The following TBC1D22A variants were observed in gnomAD, a reference collection of about 807,000 sequenced individuals.
TBC1D22A encodes the protein putative GTPase activator.
In TBC1D22A, 38 loss-of-function variants were observed where a neutral mutation model predicts 60.2. The observed-to-expected ratio is 0.63, with a 90% CI of 0.49 to 0.83. The LOEUF (loss-of-function observed/expected upper bound fraction) is 0.83. TBC1D22A is among the 40% of genes least tolerant of loss of function. The probability of loss-of-function intolerance (pLI) is 0.00; values close to 1 mark genes in which losing one functional copy is unlikely to be tolerated. For synonymous variants in TBC1D22A, 302 were observed against 281.7 expected (o/e 1.07, Z -0.72); for missense variants, 628 against 701.0 (o/e 0.90, Z 1.18).
At chr22:46,864,315 G>A (rs1328542973) in intron 4 of TBC1D22A, among the ~76,000 whole-genome samples, 1 of 152,230 alleles carries the variant, frequency 6.6e-6, no homozygotes, top group East Asian at 1.9e-4. Context: ...TGTAGTGGAA[G>A]CAGAGACAGA....
chr22:46,891,522 T>C (rs1042046904), intron 6 of TBC1D22A, 128 bp downstream of exon 6: 31 of 947,616 alleles, frequency 3.3e-5, no homozygotes, highest in Non-Finnish European at 4.5e-5. Flanking sequence ...CCTGATTAGC[T>C]CACAGATTTT....
chr22:47,140,998 C>A (rs1363713657), intron 12 of TBC1D22A, among the ~76,000 whole-genome samples: 1 of 152,194 alleles, frequency 6.6e-6, no homozygotes, highest in East Asian at 1.9e-4. Context: ...TAAAGAAATA[C>A]CCGAGACTGG....
rs1272842642 is a variant in TBC1D22A, at chr22:46,934,566, ACT to A, written c.1015+22381_1015+22382del. Among the ~76,000 whole-genome samples, 9 of 151,974 alleles carry A rather than the reference ACT, an allele frequency of 5.9e-5. No homozygotes were observed. In the East Asian group the frequency reaches 1.5e-3, roughly 26 times the overall value. On this transcript the variant is annotated intron_variant, in intron 8 of 12. Coordinates refer to ENST00000337137, the MANE Select transcript of TBC1D22A (RefSeq NM_014346.5). Reference sequence around the variant, plus strand: ...ATCGTCTATACTACTCTTGGGGAAGACTCTTCTTTTTTAGGACTCACTTCATA... The same window carrying A: ...ATCGTCTATACTACTCTTGGGGAAGACTTCTTTTTTAGGACTCACTTCATA...
At chr22:46,979,436 G>C (rs1038979132) in intron 9 of TBC1D22A, among the ~76,000 whole-genome samples, 1 of 152,194 alleles carries the variant, frequency 6.6e-6, no homozygotes, top group African/African-American at 2.4e-5. Flanking sequence ...CTTCTTTCAT[G>C]TAAACGTGAT....
At chr22:47,005,588 T>C (rs1047621899) in intron 10 of TBC1D22A, among the ~76,000 whole-genome samples, 3 of 147,020 alleles carry the variant, frequency 2.0e-5, no homozygotes, top group Non-Finnish European at 3.0e-5. Flanking sequence ...CGCAAACCTA[T>C]ACACACACAC....
intron 11 of TBC1D22A, among the ~76,000 whole-genome samples, chr22:47,104,910 G>A (rs186774947): frequency 6.6e-6 from 1 of 151,662 alleles, no homozygotes; most frequent in African/African-American, 2.4e-5. Context: ...CCCCCCGACC[G>A]TTGCTGCTGC....
In TBC1D22A at chr22:46,904,138, T is replaced by TCTGCCTGCCTAC. The variant is rs1481229542; in HGVS notation, c.901-7934_901-7933insGCCTGCCTACCT. Among the ~76,000 whole-genome samples, 3 of 55,262 alleles carry TCTGCCTGCCTAC rather than the reference T, an allele frequency of 5.4e-5. 1 individual carries two copies. The highest frequency in any genetic ancestry group is 1.7e-4 in the Admixed American group (1 of 5,836). 36.3% of individuals were successfully genotyped at this position (55,262 alleles called of 152,430 possible). ...ATCTATCTATCTATCTATCTATCTA[T>TCTGCCTGCCTAC]CTATCTACCTACCTACCTACCTACC... On this transcript the variant is annotated intron_variant, in intron 7 of 12. Transcript: ENST00000337137.
At chr22:47,020,321 G>T (rs150806071) in intron 10 of TBC1D22A, among the ~76,000 whole-genome samples, 2,069 of 152,258 alleles carry the variant, frequency 0.014, 27 homozygotes, top group South Asian at 0.048. Flanking sequence ...TCAGTGGCAG[G>T]ATTCTCAGCC....
At chr22:46,792,747 C>T (rs762147637) in intron 2 of TBC1D22A, 171 bp downstream of exon 2, 80 of 1,494,998 alleles carry the variant, frequency 5.4e-5, no homozygotes, top group African/African-American at 6.9e-5. Context: ...CTGTGCACCC[C>T]GTGCTGCGCA....
intron 11 of TBC1D22A, among the ~76,000 whole-genome samples, chr22:47,060,613 A>G (rs2063540653): frequency 6.6e-6 from 1 of 152,076 alleles, no homozygotes; most frequent in Non-Finnish European, 1.5e-5. Flanking sequence ...TGTGTTTTTA[A>G]TAGAGACGGG....
chr22:46,823,637 G>T (rs1489633031), intron 4 of TBC1D22A, among the ~76,000 whole-genome samples: 1 of 152,230 alleles, frequency 6.6e-6, no homozygotes, highest in South Asian at 2.1e-4. Context: ...TTCATGGAAG[G>T]CAGGGTCTTA....
At chr22:47,064,881 C>T (rs1057481167) in intron 11 of TBC1D22A, among the ~76,000 whole-genome samples, 4 of 152,158 alleles carry the variant, frequency 2.6e-5, no homozygotes, top group African/African-American at 9.7e-5. Flanking sequence ...GTTGACAGTC[C>T]TTTTGAGAAA....
intron 11 of TBC1D22A, among the ~76,000 whole-genome samples, chr22:47,081,072 A>T (rs2064446818): frequency 7.1e-6 from 1 of 141,340 alleles, no homozygotes; most frequent in African/African-American, 2.6e-5. Flanking sequence ...GTGAGCCGAA[A>T]TTGTGCCATT....
chr22:46,934,261 A>G (rs185697464), intron 8 of TBC1D22A, among the ~76,000 whole-genome samples: 53 of 152,346 alleles, frequency 3.5e-4, no homozygotes, highest in African/African-American at 1.2e-3. Flanking sequence ...CATGAGAGTT[A>G]TGTGTTTATC....
intron 12 of TBC1D22A, among the ~76,000 whole-genome samples, chr22:47,155,673 C>T (rs1330317710): frequency 6.6e-6 from 1 of 151,938 alleles, no homozygotes; most frequent in Non-Finnish European, 1.5e-5. Context: ...GGAAGCCCCT[C>T]TTCCCAGACA....
intron 11 of TBC1D22A, among the ~76,000 whole-genome samples, chr22:47,066,336 G>A (rs2063772688): frequency 6.6e-6 from 1 of 151,984 alleles, no homozygotes; most frequent in Non-Finnish European, 1.5e-5. Context: ...GGGTTCCTCG[G>A]AATGCTGGTG....
intron 4 of TBC1D22A, among the ~76,000 whole-genome samples, chr22:46,837,100 G>C (rs2080391354): frequency 6.6e-6 from 1 of 152,052 alleles, no homozygotes; most frequent in Non-Finnish European, 1.5e-5. Context: ...GTTCCACCCT[G>C]GGGGACAGAG....
At position 46,943,343 on chromosome 22, in the gene TBC1D22A, G is replaced by A. The variant is rs1319571947; in HGVS notation, c.1016-30947G>A. On this transcript the variant is annotated intron_variant, in intron 8 of 12. Transcript: ENST00000337137. The stretch of plus-strand genomic sequence containing the variant: ...CAGAAAGCAACCTTGTGTTTTTTCC[G>A]CACATGATAGACCTTTGCAATATGT... Among the ~76,000 whole-genome samples the A allele has an allele frequency of 2.0e-5, 3 of 152,148 alleles. No individual in the cohort carries two copies. In the East Asian group the frequency reaches 5.8e-4, roughly 29 times the overall value.
chr22:46,988,181 G>T (rs749831749), intron 9 of TBC1D22A, among the ~76,000 whole-genome samples: 12 of 152,074 alleles, frequency 7.9e-5, no homozygotes, highest in Admixed American at 5.9e-4. Flanking sequence ...CACATTTTCA[G>T]ACTGTTTCTA....
Sources: allele counts gnomAD v4.1 joint callset (sites outside exome capture counted in the v4.1 genomes callset), GRCh38; gene constraint gnomAD v4.1.1; transcripts MANE v1.5; gene names NCBI Gene and HGNC (gene_info 2026-07-23, HGNC 2026-07-21).